FAM184B: variants seen among roughly 807,000 people sequenced by gnomAD.
FAM184B encodes the protein family with sequence similarity 184 member B.
In FAM184B, 111 loss-of-function variants were observed where a neutral mutation model predicts 135.9. The observed-to-expected ratio is 0.82, with a 90% CI of 0.70 to 0.96. The LOEUF is 0.96. Ranked by LOEUF, FAM184B falls within the 40% of genes least tolerant of loss-of-function variation. The pLI is 0.00. For missense variants in FAM184B, 1,375 were observed against 1,323.9 expected, an observed-to-expected ratio of 1.04 and a Z score of -0.60; for synonymous variants, 552 against 524.8, an observed-to-expected ratio of 1.05 and a Z score of -0.71.
rs1714882688 is a variant in FAM184B at position 17,630,192 on chromosome 4, G to GA, written c.*2339dup. On this transcript the variant is annotated 3_prime_UTR_variant, in exon 18 of 18. Coordinates refer to ENST00000265018, the MANE Select transcript of FAM184B (RefSeq NM_015688.2). Reference sequence around the variant, plus strand: ...GAAAGTGTTTCAACACACAAAAATAGAACCACCTGTATGTAGTCTTTTTGA... The same window carrying GA: ...GAAAGTGTTTCAACACACAAAAATAGAAACCACCTGTATGTAGTCTTTTTGA... The GA allele has an allele frequency of 6.6e-6, 1 of 152,114 alleles. No homozygotes were observed. Among genetic ancestry groups the GA allele is most frequent in the Admixed American group, 6.5e-5 (1 of 15,280 alleles). The allele number at this position is 152,114 out of a possible 1,614,324, so 9.4% of individuals were successfully genotyped here. A position where few individuals can be genotyped will look rare whatever the true frequency, so the allele number is the denominator to read the frequency against.
intron 1 of FAM184B, among the ~76,000 whole-genome samples, chr4:17,715,017 T>C (rs1307282274): frequency 6.6e-6 from 1 of 152,222 alleles, no homozygotes; most frequent in East Asian, 1.9e-4. Flanking sequence ...AGGTTACTTA[T>C]ATATCCTTTC....
rs537727802 is a variant in FAM184B, at chr4:17,642,345, G to A, written c.2347-117C>T. ...CCACTGGCACCCCGCCCAGGCTGGAGCCTGTGGCAGGCTCCTGAGTTCCCT... is the reference window on the plus strand; with the variant it reads ...CCACTGGCACCCCGCCCAGGCTGGAACCTGTGGCAGGCTCCTGAGTTCCCT... On this transcript the variant is annotated intron_variant, in intron 12 of 17. Transcript: ENST00000265018. 4.4e-5 allele frequency: 60 copies of A among 1,375,046 alleles called. No homozygotes were observed. The East Asian group carries it at 1.4e-3, about 32-fold the overall frequency. 85.2% of individuals were successfully genotyped at this position (1,375,046 alleles called of 1,614,324 possible).
At chr4:17,663,345 T>A (rs1163278455) in intron 8 of FAM184B, among the ~76,000 whole-genome samples, 3 of 152,088 alleles carry the variant, frequency 2.0e-5, no homozygotes, top group Non-Finnish European at 4.4e-5. Flanking sequence ...TTCAACATAG[T>A]ATTGGAAGTT....
intron 1 of FAM184B, among the ~76,000 whole-genome samples, chr4:17,729,518 C>T (rs1337723961): frequency 2.0e-5 from 3 of 152,184 alleles, no homozygotes; most frequent in Non-Finnish European, 4.4e-5. Flanking sequence ...AGAATGACAC[C>T]TCACACGGCC....
At chr4:17,653,930 G>GAGAGAGAGAGAGGGAGAGGGA (rs1402544369) in intron 10 of FAM184B, among the ~76,000 whole-genome samples, 171 of 135,826 alleles carry the variant, frequency 1.3e-3, no homozygotes, top group Middle Eastern at 3.8e-3. Flanking sequence ...GGGAGGGGGA[G>GAGAGAGAGAGAGGGAGAGGGA]GGGGATTTGA....
chr4:17,766,392 G>A (rs1453705478), intron 1 of FAM184B, among the ~76,000 whole-genome samples: 5 of 152,178 alleles, frequency 3.3e-5, no homozygotes, highest in South Asian at 4.1e-4. Flanking sequence ...GTGCTGATTG[G>A]TGTATTTATA....
chr4:17,692,355 T>C (rs1716758466), intron 6 of FAM184B, among the ~76,000 whole-genome samples: 1 of 152,226 alleles, frequency 6.6e-6, no homozygotes, highest in African/African-American at 2.4e-5. Context: ...GACCCACCTC[T>C]AGACCCTGAA....
chr4:17,688,680 CTTTTTTT>C (rs34337003), intron 6 of FAM184B, 149 bp from the exon 7 acceptor site: 52 of 117,936 alleles, frequency 4.4e-4, no homozygotes, highest in South Asian at 2.4e-3. Flanking sequence ...CTAGAAATGC[CTTTTTTT>C]TTTTTTTTTT....
rs567415722 is a variant in FAM184B, at chr4:17,732,834, T to C, written c.142-23190A>G. Among the ~76,000 whole-genome samples the C allele has an allele frequency of 1.7e-3, 256 of 152,318 alleles. 1 individual carries two copies. Among genetic ancestry groups the C allele is most frequent in the African/African-American group, 5.7e-3 (237 of 41,568 alleles). On this transcript the variant is annotated intron_variant, in intron 1 of 17. Coordinates refer to ENST00000265018, the MANE Select transcript of FAM184B (RefSeq NM_015688.2). The stretch of plus-strand genomic sequence containing the variant: ...AGAGGGAATCCTCCCTAACTCATTT[T>C]ATGAGGCCAGCATCATCCTGATACC...
chr4:17,693,956 A>G (rs1716795644), intron 5 of FAM184B, among the ~76,000 whole-genome samples: 1 of 152,076 alleles, frequency 6.6e-6, no homozygotes, highest in Non-Finnish European at 1.5e-5. Flanking sequence ...TATTTTAAAA[A>G]CAAATACATA....
At chr4:17,677,253 G>T (rs1287637350) in intron 7 of FAM184B, among the ~76,000 whole-genome samples, 2 of 152,032 alleles carry the variant, frequency 1.3e-5, no homozygotes, top group Admixed American at 1.3e-4. Context: ...TTGCCGTGTT[G>T]CCCAGGCTAG....
chr4:17,638,134 C>CCTT (rs1715200429), intron 14 of FAM184B, among the ~76,000 whole-genome samples: 3 of 73,418 alleles, frequency 4.1e-5, no homozygotes, highest in African/African-American at 1.4e-4. Flanking sequence ...TAACTGTTTG[C>CCTT]TTTTTTTTTT....
At chr4:17,769,934 G>A (rs564656265) in intron 1 of FAM184B, among the ~76,000 whole-genome samples, 29 of 152,272 alleles carry the variant, frequency 1.9e-4, no homozygotes, top group African/African-American at 7.0e-4. Flanking sequence ...GCCTCAGAGT[G>A]GGGCAGGGCA....
chr4:17,723,780 T>A (rs1286928093), intron 1 of FAM184B, among the ~76,000 whole-genome samples: 3 of 152,194 alleles, frequency 2.0e-5, no homozygotes, highest in Non-Finnish European at 4.4e-5. Flanking sequence ...ATCTTCTTAC[T>A]GTTGCTGTGA....
chr4:17,640,723 G>T (rs1247430923), intron 13 of FAM184B, among the ~76,000 whole-genome samples: 3 of 152,162 alleles, frequency 2.0e-5, no homozygotes, highest in African/African-American at 7.2e-5. Context: ...TTAAGAAATA[G>T]ATAATATGAA....
chr4:17,732,187 T>C (rs548966646), intron 1 of FAM184B, among the ~76,000 whole-genome samples: 2 of 152,076 alleles, frequency 1.3e-5, no homozygotes, highest in African/African-American at 4.8e-5. Context: ...TTTAAAGCAG[T>C]GTGTAGAAGG....
In FAM184B at chr4:17,708,987, C is replaced by A; in HGVS notation, c.799G>T (p.Ala267Ser). 1.3e-6 allele frequency: 2 copies of A among 1,550,826 alleles called. No individual in the cohort carries two copies. The highest frequency in any genetic ancestry group is 1.2e-5 in the South Asian group (1 of 84,056). ...TCTCCTTCCAGCTTCCGGACCTGAG[C>A]CTGCAGGGCTGACTCCTGGACCTGG... is the stretch of plus-strand genomic sequence containing the variant. ...NFQVQESALQAQVRKLEGDLE... is the reference protein window; with the variant it reads ...NFQVQESALQSQVRKLEGDLE... Residue 267 changes from alanine to serine, a missense_variant, in exon 2 of 18, where the codon GCT becomes TCT. By Grantham distance (99) the Ala-to-Ser change is moderately conservative (BLOSUM62 1). Transcript: ENST00000265018.
Position 17,781,353 on chromosome 4 carries a change from T to C in FAM184B, c.-54A>G, listed in dbSNP as rs1026254653. The C allele has an allele frequency of 1.4e-6, 2 of 1,434,400 alleles. No individual in the cohort carries two copies. The highest frequency in any genetic ancestry group is 2.7e-5 in the Admixed American group (1 of 36,710). The allele number at this position is 1,434,400 out of a possible 1,614,324, so 88.9% of individuals were successfully genotyped here. A position where few individuals can be genotyped will look rare whatever the true frequency, so the allele number is the denominator to read the frequency against. On this transcript the variant is annotated 5_prime_UTR_variant, in exon 1 of 18. Coordinates refer to ENST00000265018, the MANE Select transcript of FAM184B (RefSeq NM_015688.2). The surrounding 1 kb of genome is among the most constrained non-coding windows in gnomAD (Gnocchi z 6.5). ...TCTCGTTTTCTCCCTGCCCACCGTGTGCACGTGCGTGCGCGCGCGGGCGTG... is the reference window on the plus strand; with the variant it reads ...TCTCGTTTTCTCCCTGCCCACCGTGCGCACGTGCGTGCGCGCGCGGGCGTG...
intron 11 of FAM184B, among the ~76,000 whole-genome samples, chr4:17,651,112 C>T (rs550069345): frequency 6.6e-6 from 1 of 152,138 alleles, no homozygotes; most frequent in East Asian, 1.9e-4. Context: ...CTTTAGTGCT[C>T]AGCATGAAAT....
Sources: allele counts gnomAD v4.1 joint callset (sites outside exome capture counted in the v4.1 genomes callset), GRCh38; gene constraint gnomAD v4.1.1; non-coding constraint Gnocchi (gnomAD v3.1); transcripts MANE v1.5; gene names NCBI Gene and HGNC (gene_info 2026-07-23, HGNC 2026-07-21).